The following PDE4B variants were observed in gnomAD, a reference collection of about 807,000 sequenced individuals.
The protein encoded by PDE4B is phosphodiesterase 4B, also known as 3',5'-cyclic-AMP phosphodiesterase 4B.
Under a neutral mutation model 82.2 loss-of-function variants are expected in PDE4B, and 20 were observed. The ratio of observed to expected loss-of-function variants is 0.24; its 90% CI spans 0.17 to 0.35. PDE4B has a LOEUF of 0.35. Among genes scored for constraint, PDE4B ranks in the 10% least tolerant of loss-of-function variants. The probability of loss-of-function intolerance (pLI) is 1.00; values close to 1 mark genes in which losing one functional copy is unlikely to be tolerated. For missense variants in PDE4B, 655 were observed against 907.2 expected, an observed-to-expected ratio of 0.72 and a Z score of 3.57; for synonymous variants, 320 against 318.9, an observed-to-expected ratio of 1.00 and a Z score of -0.04.
At chr1:65,803,147 T>C (rs145560225) in intron 1 of PDE4B, among the ~76,000 whole-genome samples, 37 of 152,294 alleles carry the variant, frequency 2.4e-4, no homozygotes, top group African/African-American at 8.9e-4. Context: ...AAAAATATCC[T>C]TCATAATTGA....
rs377469821 is a variant in PDE4B at position 66,258,372 on chromosome 1, A to G, written c.584+509A>G. 1.6e-4 allele frequency among the ~76,000 whole-genome samples: 24 copies of G among 152,356 alleles called. No homozygotes were observed. The South Asian group carries it at 4.6e-3, about 29-fold the overall frequency. On this transcript the variant is annotated intron_variant, in intron 6 of 16. Transcript: ENST00000341517. ...CTTCAATTAATTATATGATCTTGGC[A>G]TTTAAATTAATGTTGCTGATCCTTG...
chr1:66,357,754 A>T (rs961555346), intron 9 of PDE4B, among the ~76,000 whole-genome samples: 1 of 152,112 alleles, frequency 6.6e-6, no homozygotes, highest in African/African-American at 2.4e-5. Context: ...ATAGGAAGAA[A>T]AAAACCTGTA....
At chr1:65,828,306 C>T (rs866531380) in intron 1 of PDE4B, among the ~76,000 whole-genome samples, 10 of 152,154 alleles carry the variant, frequency 6.6e-5, no homozygotes, top group Middle Eastern at 3.4e-3. Context: ...AGTGCAGTGG[C>T]GTGATCATGG....
intron 1 of PDE4B, among the ~76,000 whole-genome samples, chr1:65,863,306 T>G (rs902424081): frequency 6.6e-6 from 1 of 152,174 alleles, no homozygotes; most frequent in Non-Finnish European, 1.5e-5. Context: ...CATGTAGTTG[T>G]GCAGTTTTTT....
chr1:66,072,444 A>G (rs1402888820), intron 3 of PDE4B, among the ~76,000 whole-genome samples: 1 of 152,136 alleles, frequency 6.6e-6, no homozygotes, highest in East Asian at 1.9e-4. Flanking sequence ...TCTAAGAGAA[A>G]TTCTACTACT....
At chr1:66,347,925 T>G (rs1273287230) in intron 8 of PDE4B, among the ~76,000 whole-genome samples, 2 of 152,190 alleles carry the variant, frequency 1.3e-5, no homozygotes, top group African/African-American at 4.8e-5. Flanking sequence ...GTAAGGGTTA[T>G]GAAAAGAAAG....
intron 3 of PDE4B, among the ~76,000 whole-genome samples, chr1:66,230,949 G>A (rs923430009): frequency 2.0e-5 from 3 of 151,252 alleles, no homozygotes; most frequent in Non-Finnish European, 2.9e-5. Flanking sequence ...CCAGAGAATT[G>A]CTTGAACCCA....
intron 3 of PDE4B, among the ~76,000 whole-genome samples, chr1:66,216,374 C>G (rs1244780305): frequency 6.8e-6 from 1 of 147,644 alleles, no homozygotes; most frequent in Non-Finnish European, 1.5e-5. Context: ...GAAAGCAATT[C>G]AAAAAATAAA....
chr1:66,354,721 T>A (rs1662099659), intron 8 of PDE4B: 1 of 1,442,420 alleles, frequency 6.9e-7, no homozygotes, highest in African/African-American at 1.4e-5. Flanking sequence ...GTTTTTGTCT[T>A]TTCTAAGTTT....
At chr1:66,236,910 T>TTAAGCC (rs1291527442) in intron 3 of PDE4B, among the ~76,000 whole-genome samples, 1 of 152,214 alleles carries the variant, frequency 6.6e-6, no homozygotes, top group Admixed American at 6.5e-5. Context: ...AGCAAGTTAT[T>TTAAGCC]TAAGCCTTTT....
chr1:65,804,076 T>C (rs1360247933), intron 1 of PDE4B, among the ~76,000 whole-genome samples: 1 of 152,208 alleles, frequency 6.6e-6, no homozygotes, highest in Non-Finnish European at 1.5e-5. Flanking sequence ...ACTACATCAT[T>C]TTCCTCTTTA....
intron 3 of PDE4B, among the ~76,000 whole-genome samples, chr1:66,087,956 C>T (rs1644923952): frequency 6.6e-6 from 1 of 151,442 alleles, no homozygotes; most frequent in South Asian, 2.1e-4. Context: ...CAGCATGGCA[C>T]ATGTATACAT....
intron 7 of PDE4B, among the ~76,000 whole-genome samples, chr1:66,295,428 T>TTTTTG (rs1007471299): frequency 6.6e-6 from 1 of 152,160 alleles, no homozygotes; most frequent in African/African-American, 2.4e-5. Context: ...CATTCTATTC[T>TTTTTG]TTTTGTTTTG....
At chr1:66,242,085 C>G (rs562425460) in intron 3 of PDE4B, among the ~76,000 whole-genome samples, 8 of 152,232 alleles carry the variant, frequency 5.3e-5, no homozygotes, top group African/African-American at 1.4e-4. Context: ...TAAGTAAACA[C>G]AAGAGTATAG....
At chr1:66,007,673 A>T (rs938939960) in intron 3 of PDE4B, among the ~76,000 whole-genome samples, 1 of 152,146 alleles carries the variant, frequency 6.6e-6, no homozygotes, top group African/African-American at 2.4e-5. Flanking sequence ...GTGTACTAGC[A>T]ATAGGCTAGG....
At chr1:65,916,561 A>G (rs1647162555) in intron 2 of PDE4B, among the ~76,000 whole-genome samples, 1 of 152,142 alleles carries the variant, frequency 6.6e-6, no homozygotes, top group Non-Finnish European at 1.5e-5. Flanking sequence ...TTTCCAGATA[A>G]CCAGTGCTTT....
chr1:65,959,586 A>C (rs1040861637), intron 3 of PDE4B, among the ~76,000 whole-genome samples: 1 of 152,104 alleles, frequency 6.6e-6, no homozygotes, highest in African/African-American at 2.4e-5. Context: ...ATTATAGCTT[A>C]GATTCTTTAT....
intron 3 of PDE4B, among the ~76,000 whole-genome samples, chr1:65,929,324 T>C (rs1270970196): frequency 6.6e-6 from 1 of 152,168 alleles, no homozygotes; most frequent in Admixed American, 6.5e-5. Context: ...GGGGAAGCTG[T>C]TCCTTCTGGC....
chr1:66,186,321 C>T (rs1372934130), intron 3 of PDE4B, among the ~76,000 whole-genome samples: 1 of 152,098 alleles, frequency 6.6e-6, no homozygotes, highest in Non-Finnish European at 1.5e-5. Context: ...GATGCGGGCC[C>T]TTTTTTGGTT....
Sources: gnomAD v4.1 joint callset for allele counts (sites outside exome capture counted in the v4.1 genomes callset) on GRCh38, gnomAD v4.1.1 for gene constraint, MANE v1.5 for transcripts, NCBI Gene and HGNC (gene_info 2026-07-23, HGNC 2026-07-21) for gene names.